CTNNA2: variants seen among roughly 807,000 people sequenced by gnomAD.
The protein encoded by CTNNA2 is catenin alpha 2.
A neutral mutation model predicts 101.0 loss-of-function variants in CTNNA2; 42 were observed. The ratio of observed to expected loss-of-function variants is 0.42; its 90% CI spans 0.32 to 0.54. The LOEUF (loss-of-function observed/expected upper bound fraction) is 0.54. Ranked by LOEUF, CTNNA2 falls within the 20% of genes least tolerant of loss-of-function variation. The probability of loss-of-function intolerance (pLI) is 0.14; values close to 1 mark genes in which losing one functional copy is unlikely to be tolerated. For synonymous variants in CTNNA2, 450 were observed against 456.4 expected (o/e 0.99, Z 0.18); for missense variants, 871 against 1,223.1 (o/e 0.71, Z 4.29).
At chr2:80,542,469 T>C (rs894633655) in intron 9 of CTNNA2, among the ~76,000 whole-genome samples, 1 of 152,172 alleles carries the variant, frequency 6.6e-6, no homozygotes, top group South Asian at 2.1e-4. Flanking sequence ...GACAGTGGTA[T>C]GTCACTCAGT....
At chr2:79,375,431 C>T (rs1329188131) in intron 4 of CTNNA2, among the ~76,000 whole-genome samples, 1 of 152,016 alleles carries the variant, frequency 6.6e-6, no homozygotes, top group Non-Finnish European at 1.5e-5. Flanking sequence ...TTTATTCTGC[C>T]ATGTAATTTA....
At chr2:80,371,122 A>G (rs993018446) in intron 7 of CTNNA2, among the ~76,000 whole-genome samples, 1 of 152,214 alleles carries the variant, frequency 6.6e-6, no homozygotes, top group Non-Finnish European at 1.5e-5. Context: ...AATGAGGGTC[A>G]TATGACTGGC....
intron 1 of CTNNA2, among the ~76,000 whole-genome samples, chr2:79,187,385 T>C (rs1279335957): frequency 2.0e-5 from 3 of 151,228 alleles, no homozygotes; most frequent in Non-Finnish European, 2.9e-5. Flanking sequence ...TTCAGTGCAG[T>C]GGCGCAATCT....
intron 2 of CTNNA2, among the ~76,000 whole-genome samples, chr2:79,280,330 A>G (rs1331608681): frequency 6.6e-6 from 1 of 151,846 alleles, no homozygotes; most frequent in Non-Finnish European, 1.5e-5. Context: ...TGTGAGGGGG[A>G]TGGAGTTTGG....
intron 7 of CTNNA2, among the ~76,000 whole-genome samples, chr2:80,005,992 C>T (rs1176396631): frequency 6.6e-6 from 1 of 151,954 alleles, no homozygotes; most frequent in Non-Finnish European, 1.5e-5. Flanking sequence ...ACATTTATAT[C>T]CACTAAAGAA....
At chr2:80,593,275 A>ATTGTCTTCCACGGATAGGAAGACTCAAAC in intron 15 of CTNNA2, among the ~76,000 whole-genome samples, 1 of 152,068 alleles carries the variant, frequency 6.6e-6, no homozygotes, top group Non-Finnish European at 1.5e-5. Flanking sequence ...TCTTGTCGAT[A>ATTGTCTTCCACGGATAGGAAGACTCAAAC]TTGTCTTCCA....
intron 4 of CTNNA2, among the ~76,000 whole-genome samples, chr2:79,502,147 G>A (rs1671327313): frequency 6.6e-6 from 1 of 151,904 alleles, no homozygotes; most frequent in Non-Finnish European, 1.5e-5. Flanking sequence ...CCAGGGAAAT[G>A]TGACTTAAAT....
chr2:79,781,272 C>T (rs1308694689), intron 3 of CTNNA2, among the ~76,000 whole-genome samples: 5 of 152,100 alleles, frequency 3.3e-5, no homozygotes, highest in Non-Finnish European at 5.9e-5. Flanking sequence ...GTGAGGACGA[C>T]CAGAGATCAC....
intron 1 of CTNNA2, among the ~76,000 whole-genome samples, chr2:79,539,797 A>G (rs1170056332): frequency 6.6e-6 from 1 of 152,108 alleles, no homozygotes; most frequent in African/African-American, 2.4e-5. Flanking sequence ...CCACAACTGC[A>G]TGGAAATTAG....
At chr2:79,394,288 A>G (rs910792199) in intron 4 of CTNNA2, among the ~76,000 whole-genome samples, 1 of 152,208 alleles carries the variant, frequency 6.6e-6, no homozygotes, top group Admixed American at 6.5e-5. Flanking sequence ...CCTCAGGCAT[A>G]GGAACTGCTC....
chr2:79,300,389 A>G (rs991288619), intron 2 of CTNNA2, among the ~76,000 whole-genome samples: 1 of 152,124 alleles, frequency 6.6e-6, no homozygotes, highest in Non-Finnish European at 1.5e-5. Context: ...ATAGATATGG[A>G]AATATGTATT....
chr2:80,043,205 TC>T lies in CTNNA2; in HGVS notation c.1056+133409del, dbSNP rs762118919. Among the ~76,000 whole-genome samples, 401 of 92,032 alleles carry T rather than the reference TC, an allele frequency of 4.4e-3. 14 individuals are homozygous for T. Among genetic ancestry groups the T allele is most frequent in the African/African-American group, 0.013 (340 of 26,218 alleles). 60.4% of individuals were successfully genotyped at this position (92,032 alleles called of 152,430 possible). On this transcript the variant is annotated intron_variant, in intron 7 of 18. Coordinates refer to ENST00000402739, the MANE Select transcript of CTNNA2 (RefSeq NM_001282597.3). ...TCCTTTCTTTCTTTCTTTCTCTCTC[TC>T]TTTTTTTTTTTTTCAGAGTCTTGCT...
rs554981742 is a variant in CTNNA2 at position 79,262,522 on chromosome 2, G to GA, written c.-405-50177dup. On this transcript the variant is annotated intron_variant, in intron 2 of 21. Transcript: ENST00000466387. ...TATTCTTAAAACTAGAAAATATAGA[G>GA]AAAAAAAAAACTAGGCTTGAGATTT... is the stretch of plus-strand genomic sequence containing the variant. Among the ~76,000 whole-genome samples the GA allele has an allele frequency of 8.4e-4, 124 of 148,486 alleles. No individual in the cohort carries two copies. In the Middle Eastern group the frequency reaches 0.014, roughly 17 times the overall value.
intron 1 of CTNNA2, among the ~76,000 whole-genome samples, chr2:79,565,102 T>A (rs1324350517): frequency 6.6e-6 from 1 of 152,142 alleles, no homozygotes; most frequent in Non-Finnish European, 1.5e-5. Flanking sequence ...ATTTACATTT[T>A]AATTTTGGAA....
At chr2:80,313,579 G>A (rs768175508) in intron 7 of CTNNA2, 5 of 1,611,048 alleles carry the variant, frequency 3.1e-6, no homozygotes, top group East Asian at 2.2e-5. Flanking sequence ...GATGGAGAAG[G>A]CCACTCCAGT....
At chr2:79,505,945 G>C (rs1671403190) in intron 5 of CTNNA2, among the ~76,000 whole-genome samples, 3 of 152,172 alleles carry the variant, frequency 2.0e-5, no homozygotes, top group Admixed American at 1.3e-4. Context: ...TTGAATGGAG[G>C]AATGAATCAA....
Position 79,874,148 on chromosome 2 carries a change from C to T in CTNNA2, c.658C>T (p.Leu220=), listed in dbSNP as rs1276594307. ...GGCTCTGAAGAAGAATGCCACAATG[C>T]TGTACACGGCCTCTCAAGCATTTCT... is the stretch of plus-strand genomic sequence containing the variant. The part of the protein sequence containing the change: ...RGALKKNATM[L]YTASQAFLRH... The change falls in exon 6 of 19, where the codon CTG becomes TTG. Residue 220 remains leucine (L), a synonymous_variant. Transcript: ENST00000402739. The T allele has an allele frequency of 6.2e-7, 1 of 1,614,104 alleles. No individual in the cohort carries two copies. Among genetic ancestry groups the T allele is most frequent in the African/African-American group, 1.3e-5 (1 of 74,942 alleles).
intron 3 of CTNNA2, among the ~76,000 whole-genome samples, chr2:79,746,310 T>C (rs4541274): frequency 0.45 from 68,794 of 152,054 alleles, 17,901 homozygotes; most frequent in African/African-American, 0.73. Flanking sequence ...GATATTAGCA[T>C]CTTATCAGAC....
At chr2:79,779,418 A>T (rs1244595707) in intron 3 of CTNNA2, among the ~76,000 whole-genome samples, 1 of 152,174 alleles carries the variant, frequency 6.6e-6, no homozygotes, top group Admixed American at 6.5e-5. Flanking sequence ...GAGGGTGCGG[A>T]TGGCCTGAGG....
Sources: allele counts gnomAD v4.1 joint callset (sites outside exome capture counted in the v4.1 genomes callset), GRCh38; gene constraint gnomAD v4.1.1; transcripts MANE v1.5; gene names NCBI Gene and HGNC (gene_info 2026-07-23, HGNC 2026-07-21).